RAI2: variants seen among roughly 807,000 people sequenced by gnomAD.
The protein encoded by RAI2 is retinoic acid induced 2.
A neutral mutation model predicts 15.3 loss-of-function variants in RAI2; 5 were observed. The ratio of observed to expected loss-of-function variants is 0.33; its 90% CI spans 0.17 to 0.69. The LOEUF (loss-of-function observed/expected upper bound fraction) is 0.69. Ranked by LOEUF, RAI2 falls within the 30% of genes least tolerant of loss-of-function variation. The pLI, the probability that RAI2 is intolerant of heterozygous loss-of-function variation, is 0.69. For missense variants in RAI2, 424 were observed against 424.7 expected (o/e 1.00, Z 0.01); for synonymous variants, 191 against 184.0 (o/e 1.04, Z -0.31).
At chrX:17,817,136 T>A (rs2067118017) in intron 1 of RAI2, among the ~76,000 whole-genome samples, 1 of 111,340 alleles carries the variant, frequency 9.0e-6, no homozygotes, top group Admixed American at 9.5e-5. Flanking sequence ...ACTCTTGCAA[T>A]GTGTCAGTAA....
chrX:17,800,742 C>G lies in RAI2; in HGVS notation c.1269G>C (p.Lys423Asn), dbSNP rs2066894736. 3 of 1,211,641 alleles carry G rather than the reference C, an allele frequency of 2.5e-6. No homozygotes were observed. Among genetic ancestry groups the G allele is most frequent in the Non-Finnish European group, 3.3e-6 (3 of 895,554 alleles). The change falls in exon 2 of 2, where the codon AAG (lysine) becomes AAC (asparagine). Residue 423 changes from lysine (K) to asparagine (N), a missense_variant. Physicochemically the swap from Lys to Asn is moderately conservative, Grantham distance 94. Coordinates refer to ENST00000451717, the MANE Select transcript of RAI2 (RefSeq NM_021785.6). ...SQPNHPSGEV[K>N]AENNIEMVGE... is the part of the protein sequence containing the mutation. ...CCACCATCTCAATGTTATTTTCAGC[C>G]TTGACTTCGCCGCTGGGGTGGTTGG...
At chrX:17,853,944 T>C (rs756775887) in intron 1 of RAI2, among the ~76,000 whole-genome samples, 9 of 111,736 alleles carry the variant, frequency 8.1e-5, no homozygotes, top group Non-Finnish European at 1.1e-4. Flanking sequence ...CAATACACTG[T>C]ATCTTACCTA....
At chrX:17,853,849 C>A (rs182166960) in intron 1 of RAI2, among the ~76,000 whole-genome samples, 1 of 110,775 alleles carries the variant, frequency 9.0e-6, no homozygotes, top group South Asian at 3.9e-4. Flanking sequence ...ATTTTAAATG[C>A]ATATTTCATC....
rs139070526 is a variant in RAI2, at chrX:17,820,815, G to A, written c.-24-18781C>T. 4.2e-3 allele frequency among the ~76,000 whole-genome samples: 471 copies of A among 111,179 alleles called. 2 individuals are homozygous for A. The highest frequency in any genetic ancestry group is 0.015 in the African/African-American group (453 of 30,504). ...ACACAGAATCATATTTGGGCTCCAAGGGTCTTTGCAGATTGTCTATGCCAA... is the reference window on the plus strand; with the variant it reads ...ACACAGAATCATATTTGGGCTCCAAAGGTCTTTGCAGATTGTCTATGCCAA... On this transcript the variant is annotated intron_variant, in intron 1 of 1. Transcript: ENST00000451717.
intron 1 of RAI2, among the ~76,000 whole-genome samples, chrX:17,854,880 C>T (rs2067581375): frequency 8.9e-6 from 1 of 112,116 alleles, no homozygotes; most frequent in Non-Finnish European, 1.9e-5. Flanking sequence ...CAAGGGTCCC[C>T]TGTGAGGGCA....
intron 1 of RAI2, among the ~76,000 whole-genome samples, chrX:17,815,334 CA>C (rs2067095583): frequency 1.2e-5 from 1 of 86,014 alleles, no homozygotes; most frequent in Non-Finnish European, 2.7e-5. Flanking sequence ...CACACACACA[CA>C]CACACACACA....
chrX:17,845,083 T>G (rs1188333875), intron 1 of RAI2, among the ~76,000 whole-genome samples: 3 of 112,263 alleles, frequency 2.7e-5, no homozygotes, highest in Non-Finnish European at 5.6e-5. Flanking sequence ...TTAAAAATGC[T>G]GATGCTATTA....
rs781527119 is a variant in RAI2, at chrX:17,856,840, GT to G, written c.-25+4257del. The stretch of plus-strand genomic sequence containing the variant: ...AGATACAGAAACGTGATCAAATTAT[GT>G]GTGCCTGTGTCTGTGTGTGCATGTG... On this transcript the variant is annotated intron_variant, in intron 1 of 1. Coordinates refer to ENST00000451717, the MANE Select transcript of RAI2 (RefSeq NM_021785.6). Among the ~76,000 whole-genome samples, 435 of 112,125 alleles carry G rather than the reference GT, an allele frequency of 3.9e-3. 1 individual carries two copies. The highest frequency in any genetic ancestry group is 7.1e-3 in the Non-Finnish European group (379 of 53,237).
intron 1 of RAI2, among the ~76,000 whole-genome samples, chrX:17,808,521 C>A (rs2067007141): frequency 9.0e-6 from 1 of 111,436 alleles, no homozygotes; most frequent in Non-Finnish European, 1.9e-5. Flanking sequence ...GACCCTTAAT[C>A]TAAAGGCCAG....
At position 17,800,145 on chromosome X, in the gene RAI2, T is replaced by TA. The variant is rs1270018741; in HGVS notation, c.*272dup. On this transcript the variant is annotated 3_prime_UTR_variant, in exon 2 of 2. Transcript: ENST00000451717. Reference sequence around the variant, plus strand: ...TTGTGGCAATGAAAATAGCTTTTTTTACCCCTCTAATTCACCCAATATTCC... The same window carrying TA: ...TTGTGGCAATGAAAATAGCTTTTTTTAACCCCTCTAATTCACCCAATATTCC... The TA allele has an allele frequency of 6.6e-5, 19 of 289,791 alleles. No homozygotes were observed. Among genetic ancestry groups the TA allele is most frequent in the Non-Finnish European group, 5.9e-5 (10 of 168,449 alleles). The allele number at this position is 289,791 out of a possible 1,213,427, so 23.9% of individuals were successfully genotyped here. A position where few individuals can be genotyped will look rare whatever the true frequency, so the allele number is the denominator to read the frequency against.
At chrX:17,860,489 G>C (rs1055744955) in intron 1 of RAI2, 1 of 112,769 alleles carries the variant, frequency 8.9e-6, no homozygotes, top group Admixed American at 9.2e-5. Context: ...GGGGCTCCCG[G>C]GGCGCCGACG....
intron 1 of RAI2, among the ~76,000 whole-genome samples, chrX:17,811,868 C>T (rs1382019187): frequency 3.6e-5 from 4 of 111,014 alleles, no homozygotes; most frequent in African/African-American, 1.3e-4. Flanking sequence ...ATTTTGCTAG[C>T]TGTGTGACCT....
intron 1 of RAI2, among the ~76,000 whole-genome samples, chrX:17,831,680 T>C (rs1458557144): frequency 8.9e-6 from 1 of 112,426 alleles, no homozygotes; most frequent in African/African-American, 3.2e-5. Flanking sequence ...ACACTGAATG[T>C]TTTGCACCAG....
intron 1 of RAI2, among the ~76,000 whole-genome samples, chrX:17,852,723 C>T (rs2067550971): frequency 8.9e-6 from 1 of 112,220 alleles, no homozygotes; most frequent in Admixed American, 9.4e-5. Flanking sequence ...TCTGCTGTTG[C>T]TGCCTGTAGG....
chrX:17,838,682 AC>A (rs2067364246), intron 1 of RAI2, among the ~76,000 whole-genome samples: 2 of 110,252 alleles, frequency 1.8e-5, no homozygotes, highest in Admixed American at 1.9e-4. Flanking sequence ...ACACACACAC[AC>A]AAAACACAGC....
At chrX:17,851,749 A>G (rs2067537967) in intron 1 of RAI2, among the ~76,000 whole-genome samples, 1 of 111,923 alleles carries the variant, frequency 8.9e-6, no homozygotes, top group Admixed American at 9.4e-5. Flanking sequence ...GGAGTCTCGA[A>G]AGATAGTGGC....
rs1321914111 is a variant in RAI2 at position 17,800,806 on chromosome X, A to G, written c.1205T>C (p.Ile402Thr). The change falls in exon 2 of 2, where the codon ATC (isoleucine) becomes ACC (threonine). Residue 402 changes from isoleucine (I) to threonine (T), a missense_variant. By Grantham distance (89) the Ile-to-Thr change is moderately conservative (BLOSUM62 -1). Coordinates refer to ENST00000451717, the MANE Select transcript of RAI2 (RefSeq NM_021785.6). Reference protein sequence around the residue: ...HEAPAMMDSHISSSDAATEML... With the variant: ...HEAPAMMDSHTSSSDAATEML... Reference sequence around the variant, plus strand: ...CTCGGTAGCAGCATCACTGCTGCTGATGTGACTATCCATCATGGCTGGGGC... The same window carrying G: ...CTCGGTAGCAGCATCACTGCTGCTGGTGTGACTATCCATCATGGCTGGGGC... 33 of 1,209,814 alleles carry G rather than the reference A, an allele frequency of 2.7e-5. No individual in the cohort carries two copies. The highest frequency in any genetic ancestry group is 2.3e-4 in the Middle Eastern group (1 of 4,374).
chrX:17,843,279 TG>T (rs762922909), intron 1 of RAI2, among the ~76,000 whole-genome samples: 3 of 111,876 alleles, frequency 2.7e-5, no homozygotes, highest in Non-Finnish European at 5.6e-5. Context: ...CTCCTGGTGC[TG>T]GAAAGGAAAC....
intron 1 of RAI2, among the ~76,000 whole-genome samples, chrX:17,812,180 C>T (rs144301066): frequency 1.5e-3 from 167 of 110,934 alleles, no homozygotes; most frequent in African/African-American, 5.2e-3. Context: ...GCATCATTGG[C>T]ATCATCAGAT....
Sources: allele counts gnomAD v4.1 joint callset (sites outside exome capture counted in the v4.1 genomes callset), GRCh38; gene constraint gnomAD v4.1.1; transcripts MANE v1.5; gene names NCBI Gene and HGNC (gene_info 2026-07-23, HGNC 2026-07-21).